PALLD: variants seen among roughly 807,000 people sequenced by gnomAD.
The protein encoded by PALLD is palladin, cytoskeletal associated protein.
PALLD carries 61 observed loss-of-function variants against 123.5 expected under a neutral mutation model. The ratio of observed to expected loss-of-function variants is 0.49; its 90% CI spans 0.40 to 0.61. PALLD has a LOEUF of 0.61. Ranked by LOEUF, PALLD falls within the 20% of genes least tolerant of loss-of-function variation. The pLI is 0.00. For missense variants in PALLD, 1,273 were observed against 1,377.0 expected, an observed-to-expected ratio of 0.92 and a Z score of 1.20; for synonymous variants, 465 against 496.4, an observed-to-expected ratio of 0.94 and a Z score of 0.84.
chr4:168,765,449 A>G (rs544000566), intron 10 of PALLD, among the ~76,000 whole-genome samples: 1 of 152,296 alleles, frequency 6.6e-6, no homozygotes, highest in Non-Finnish European at 1.5e-5. Flanking sequence ...ACTCAAGGTA[A>G]TGCAAGTCAG....
chr4:168,677,176 G>GTT (rs763547704), intron 3 of PALLD, among the ~76,000 whole-genome samples: 7 of 145,296 alleles, frequency 4.8e-5, no homozygotes, highest in Admixed American at 6.9e-5. Context: ...CCGTAGTGTT[G>GTT]TTTTTTTTTT....
At chr4:168,637,030 G>A (rs1776412892) in intron 2 of PALLD, among the ~76,000 whole-genome samples, 1 of 152,192 alleles carries the variant, frequency 6.6e-6, no homozygotes, top group South Asian at 2.1e-4. Flanking sequence ...AAGAGGAAAA[G>A]AAGAGCTAAG....
At chr4:168,580,864 A>G (rs1770190976) in intron 2 of PALLD, among the ~76,000 whole-genome samples, 1 of 152,060 alleles carries the variant, frequency 6.6e-6, no homozygotes, top group African/African-American at 2.4e-5. Flanking sequence ...GCTAACTAAC[A>G]CAGGAACAGA....
Position 168,743,755 on chromosome 4 carries a change from C to T in PALLD, c.1964+31832C>T, listed in dbSNP as rs923442971. Among the ~76,000 whole-genome samples, 4 of 151,900 alleles carry T rather than the reference C, an allele frequency of 2.6e-5. No individual in the cohort carries two copies. In the East Asian group the frequency reaches 5.8e-4, roughly 22 times the overall value. ...TGTTTGGTCAGGTCTGGCATGGAGC[C>T]GAAAAATAAGAGCTTGCTTGCAGTT... is the stretch of plus-strand genomic sequence containing the variant. On this transcript the variant is annotated intron_variant, in intron 10 of 21. Transcript: ENST00000505667.
intron 2 of PALLD, among the ~76,000 whole-genome samples, chr4:168,532,348 G>T (rs1764678850): frequency 6.6e-6 from 1 of 152,122 alleles, no homozygotes; most frequent in African/African-American, 2.4e-5. Flanking sequence ...ACTTATACCA[G>T]TCATCCTAAG....
chr4:168,654,965 G>A (rs570446668), intron 2 of PALLD, among the ~76,000 whole-genome samples: 1 of 142,068 alleles, frequency 7.0e-6, no homozygotes, highest in Non-Finnish European at 1.5e-5. Flanking sequence ...TTAAATCCAG[G>A]CATATATGTA....
At chr4:168,898,335 T>G in intron 13 of PALLD, 158 bp from the exon 14 acceptor site, 2 of 666,692 alleles carry the variant, frequency 3.0e-6, no homozygotes, top group Non-Finnish European at 5.5e-6. Context: ...TTCCAGATGT[T>G]TTTTGTTTCA....
chr4:168,599,118 T>C (rs575472637), intron 2 of PALLD, among the ~76,000 whole-genome samples: 5 of 152,270 alleles, frequency 3.3e-5, no homozygotes, highest in Non-Finnish European at 5.9e-5. Flanking sequence ...TCCAACTCCA[T>C]GTGGCAAGTA....
intron 9 of PALLD, among the ~76,000 whole-genome samples, chr4:168,710,508 A>T (rs1305704532): frequency 6.6e-6 from 1 of 152,214 alleles, no homozygotes; most frequent in Admixed American, 6.5e-5. Context: ...CCTTCAGAAG[A>T]GCAAGAACTT....
intron 10 of PALLD, chr4:168,831,944 G>A: frequency 1.1e-6 from 1 of 939,856 alleles, no homozygotes; most frequent in Non-Finnish European, 1.3e-6. Context: ...CTAACCTGGG[G>A]GCCGCGTCCC....
Position 168,896,562 on chromosome 4 carries a change from C to T in PALLD, c.2213C>T (p.Pro738Leu). ...EETANQDIGS[P>L]HASVGSPLDG... ...CTACCATTACAGGACATTGGTTCTC[C>T]TCATGCTTCTGTAGGGAGTCCTCTG... The change falls in exon 13 of 22, where the codon CCT (proline) becomes CTT (leucine). Residue 738 changes from proline to leucine, a missense_variant. By Grantham distance (98) the Pro-to-Leu change is moderately conservative. This residue lies in a region of PALLD where 944 missense variants were observed against 954.5 expected (regional missense o/e 0.99). Coordinates refer to ENST00000505667, the MANE Select transcript of PALLD (RefSeq NM_001166108.2). The T allele has an allele frequency of 6.6e-7, 1 of 1,509,680 alleles. No homozygotes were observed. Among genetic ancestry groups the T allele is most frequent in the Non-Finnish European group, 8.9e-7 (1 of 1,122,088 alleles). The allele number at this position is 1,509,680 out of a possible 1,614,324, so 93.5% of individuals were successfully genotyped here. A position where few individuals can be genotyped will look rare whatever the true frequency, so the allele number is the denominator to read the frequency against.
At chr4:168,834,306 G>A (rs192593181) in intron 10 of PALLD, among the ~76,000 whole-genome samples, 51 of 152,208 alleles carry the variant, frequency 3.4e-4, no homozygotes, top group Admixed American at 2.6e-3. Flanking sequence ...ATGTAATAAC[G>A]ACAGGCCCAG....
chr4:168,857,382 A>C (rs531728109), intron 10 of PALLD, among the ~76,000 whole-genome samples: 1 of 152,318 alleles, frequency 6.6e-6, no homozygotes, highest in East Asian at 1.9e-4. Flanking sequence ...TCACATTTAG[A>C]AGTGTTTTTT....
intron 10 of PALLD, among the ~76,000 whole-genome samples, chr4:168,805,241 G>T (rs1740007140): frequency 6.6e-6 from 1 of 152,046 alleles, no homozygotes; most frequent in Non-Finnish European, 1.5e-5. Context: ...GTATTTAGAG[G>T]GTTAGTATTG....
intron 2 of PALLD, among the ~76,000 whole-genome samples, chr4:168,613,795 G>A (rs754701162): frequency 2.6e-5 from 4 of 152,120 alleles, no homozygotes; most frequent in Admixed American, 1.3e-4. Flanking sequence ...GATAAAAATG[G>A]GAGAATTCGA....
intron 15 of PALLD, 53 bp downstream of exon 15, chr4:168,903,959 T>G: frequency 6.7e-7 from 1 of 1,485,130 alleles, no homozygotes; most frequent in Non-Finnish European, 9.4e-7. Context: ...CTTACAGGCA[T>G]TTGATTAGAC....
chr4:168,751,465 A>G (rs1731055025), intron 10 of PALLD, among the ~76,000 whole-genome samples: 1 of 152,218 alleles, frequency 6.6e-6, no homozygotes, highest in African/African-American at 2.4e-5. Context: ...CTGTCATAGC[A>G]GCTTTGCAAT....
At chr4:168,838,531 G>A (rs2150907697) in intron 10 of PALLD, among the ~76,000 whole-genome samples, 1 of 152,168 alleles carries the variant, frequency 6.6e-6, no homozygotes, top group African/African-American at 2.4e-5. Flanking sequence ...CAGAAAGGGA[G>A]CCTGAATTTA....
At position 168,891,020 on chromosome 4, in the gene PALLD, T is replaced by C; in HGVS notation, c.2063T>C (p.Leu688Pro). 1.2e-6 allele frequency: 2 copies of C among 1,614,124 alleles called. No individual in the cohort carries two copies. The highest frequency in any genetic ancestry group is 1.7e-6 in the Non-Finnish European group (2 of 1,180,000). The change falls in exon 11 of 22, where the codon CTT (leucine) becomes CCT (proline). Residue 688 changes from leucine to proline, a missense_variant. Transcript: ENST00000505667. The part of the protein sequence containing the change: ...DAVIQDLERK[L>P]RFKEDLLNNG... ...GTTATTCAAGACCTGGAACGAAAAC[T>C]TCGCTTCAAGGAGGACCTCCTGAAC... is the stretch of plus-strand genomic sequence containing the variant.
Sources: gnomAD v4.1 joint callset for allele counts (sites outside exome capture counted in the v4.1 genomes callset) on GRCh38, gnomAD v4.1.1 for gene constraint, gnomAD v4.1.1 regional missense constraint, MANE v1.5 for transcripts, NCBI Gene and HGNC (gene_info 2026-07-23, HGNC 2026-07-21) for gene names.